The following PCOLCE2 variants were observed in gnomAD, a reference collection of about 807,000 sequenced individuals.
The protein encoded by PCOLCE2 is procollagen C-proteinase enhancer 2.
PCOLCE2 carries 42 observed loss-of-function variants against 47.0 expected under a neutral mutation model. The ratio of observed to expected loss-of-function variants is 0.89; its 90% CI spans 0.70 to 1.16. The LOEUF (loss-of-function observed/expected upper bound fraction) is 1.16. Ranked by LOEUF, PCOLCE2 falls within the 50% of genes most tolerant of loss-of-function variation. PCOLCE2 has a pLI of 0.00. For missense variants in PCOLCE2, 500 were observed against 526.1 expected, an observed-to-expected ratio of 0.95 and a Z score of 0.49; for synonymous variants, 169 against 191.7, an observed-to-expected ratio of 0.88 and a Z score of 0.98.
chr3:142,881,447 TAC>T (rs1396836012), intron 2 of PCOLCE2, among the ~76,000 whole-genome samples: 1 of 152,238 alleles, frequency 6.6e-6, no homozygotes, highest in Non-Finnish European at 1.5e-5. Context: ...ATCACAAGTA[TAC>T]AGTCATGCAT....
chr3:142,888,730 C>A (rs937584086), intron 1 of PCOLCE2, 84 bp downstream of exon 1: 7 of 829,210 alleles, frequency 8.4e-6, no homozygotes, highest in South Asian at 2.7e-5. Flanking sequence ...CGCGCCGAAG[C>A]GGGTTGAGTA....
chr3:142,870,967 C>G (rs1429454358), intron 2 of PCOLCE2, among the ~76,000 whole-genome samples: 1 of 152,164 alleles, frequency 6.6e-6, no homozygotes, highest in Non-Finnish European at 1.5e-5. Context: ...ATATTTGGAA[C>G]AGCAATCTGC....
chr3:142,837,621 G>A (rs1236118898), intron 5 of PCOLCE2, among the ~76,000 whole-genome samples: 1 of 152,176 alleles, frequency 6.6e-6, no homozygotes, highest in Non-Finnish European at 1.5e-5. Flanking sequence ...AAGGCAAGCT[G>A]CAGTAATTTC....
intron 2 of PCOLCE2, among the ~76,000 whole-genome samples, chr3:142,871,022 T>A (rs1221794270): frequency 6.6e-6 from 1 of 152,218 alleles, no homozygotes; most frequent in Non-Finnish European, 1.5e-5. Flanking sequence ...GAGCTTAACA[T>A]GTCAAAGACA....
At chr3:142,839,576 G>T (rs1255596059) in intron 4 of PCOLCE2, among the ~76,000 whole-genome samples, 2 of 152,136 alleles carry the variant, frequency 1.3e-5, no homozygotes, top group East Asian at 1.9e-4. Context: ...GCCTCCCAAA[G>T]TGCTGGGATT....
intron 5 of PCOLCE2, among the ~76,000 whole-genome samples, chr3:142,830,782 T>C (rs1477908200): frequency 6.6e-6 from 1 of 152,252 alleles, no homozygotes; most frequent in East Asian, 1.9e-4. Context: ...ATTAATTCTG[T>C]TTAAAAACTA....
At chr3:142,872,198 G>A (rs1036348562) in intron 2 of PCOLCE2, among the ~76,000 whole-genome samples, 2 of 152,190 alleles carry the variant, frequency 1.3e-5, no homozygotes, top group African/African-American at 4.8e-5. Context: ...TTGGGGACTA[G>A]AAGCAGTGAC....
intron 2 of PCOLCE2, among the ~76,000 whole-genome samples, chr3:142,876,795 G>A (rs569795702): frequency 1.3e-3 from 200 of 152,290 alleles, no homozygotes; most frequent in African/African-American, 4.6e-3. Context: ...AGCTTCTTAT[G>A]TTCTTGCCCC....
At chr3:142,833,017 C>T (rs1049134239) in intron 5 of PCOLCE2, among the ~76,000 whole-genome samples, 3 of 152,188 alleles carry the variant, frequency 2.0e-5, no homozygotes, top group Non-Finnish European at 4.4e-5. Context: ...CAGGGCTGCC[C>T]CTCCTCCACC....
At chr3:142,827,862 A>C in intron 6 of PCOLCE2, 1 of 504,646 alleles carries the variant, frequency 2.0e-6, no homozygotes, top group African/African-American at 2.0e-5. Context: ...TTATAAATCC[A>C]CCTCCGAATC....
At chr3:142,828,095 T>C (rs1314499591) in intron 6 of PCOLCE2, among the ~76,000 whole-genome samples, 1 of 152,210 alleles carries the variant, frequency 6.6e-6, no homozygotes, top group Non-Finnish European at 1.5e-5. Flanking sequence ...TTTCTACAAT[T>C]CATTCACCTG....
chr3:142,887,611 G>T, intron 2 of PCOLCE2, 58 bp downstream of exon 2: 1 of 854,446 alleles, frequency 1.2e-6, no homozygotes, highest in South Asian at 1.4e-5. Flanking sequence ...AAAGGCAGCA[G>T]CCTCACACTG....
intron 6 of PCOLCE2, among the ~76,000 whole-genome samples, chr3:142,825,627 A>G (rs1331640836): frequency 6.6e-6 from 1 of 151,392 alleles, no homozygotes; most frequent in Non-Finnish European, 1.5e-5. Flanking sequence ...TTATTTAATC[A>G]CTCTATGACT....
Position 142,829,739 on chromosome 3 carries a change from G to C in PCOLCE2, c.818C>G (p.Pro273Arg), listed in dbSNP as rs761647579. ...GHYIFRPKKLPTTTEQPVTTT... is the reference protein window; with the variant it reads ...GHYIFRPKKLRTTTEQPVTTT... ...GGTGACAGGCTGTTCTGTAGTTGTA[G>C]GCAGTTTTTTTGGCCTGAATATGTA... The change falls in exon 6 of 9, where the codon CCT becomes CGT. Residue 273 changes from proline to arginine, a missense_variant. Transcript: ENST00000295992. 6.2e-7 allele frequency: 1 copy of C among 1,610,096 alleles called. No homozygotes were observed. Among genetic ancestry groups the C allele is most frequent in the Non-Finnish European group, 8.5e-7 (1 of 1,177,800 alleles).
chr3:142,840,671 C>T (rs1481062942), intron 4 of PCOLCE2, among the ~76,000 whole-genome samples: 1 of 152,154 alleles, frequency 6.6e-6, no homozygotes, highest in African/African-American at 2.4e-5. Flanking sequence ...CTTAAGATGG[C>T]TTTAAATTGT....
Position 142,843,039 on chromosome 3 carries a change from T to C in PCOLCE2, c.458A>G (p.Tyr153Cys). 1 of 1,613,672 alleles carries C rather than the reference T, an allele frequency of 6.2e-7. No homozygotes were observed. The highest frequency in any genetic ancestry group is 8.5e-7 in the Non-Finnish European group (1 of 1,179,776). ...AAEPNERGDQ[Y>C]CGGLLDRPSG... ...AGGTCTGTCAAGGAGTCCTCCACAA[T>C]ACTGATCCCCTTCAAGTATTAAACA... is the stretch of plus-strand genomic sequence containing the variant. The change falls in exon 4 of 9, where the codon TAT becomes TGT. Residue 153 changes from tyrosine (Y) to cysteine (C), a missense_variant. Coordinates refer to ENST00000295992, the MANE Select transcript of PCOLCE2 (RefSeq NM_013363.4).
chr3:142,873,872 T>C (rs1289422528), intron 2 of PCOLCE2, among the ~76,000 whole-genome samples: 1 of 152,130 alleles, frequency 6.6e-6, no homozygotes, highest in Non-Finnish European at 1.5e-5. Flanking sequence ...GAACATCTTT[T>C]TCAAATGTAG....
At chr3:142,887,815 A>C in intron 1 of PCOLCE2, 38 bp from the exon 2 acceptor site, 1 of 1,084,454 alleles carries the variant, frequency 9.2e-7, no homozygotes, top group Non-Finnish European at 1.4e-6. Flanking sequence ...TGTAATTTGA[A>C]ACATGGTCTA....
intron 2 of PCOLCE2, among the ~76,000 whole-genome samples, chr3:142,881,629 T>C (rs911125759): frequency 1.3e-5 from 2 of 152,176 alleles, no homozygotes; most frequent in African/African-American, 4.8e-5. Flanking sequence ...GTTCCTGTAC[T>C]GAACACTGTA....
Sources: allele counts gnomAD v4.1 joint callset (sites outside exome capture counted in the v4.1 genomes callset), GRCh38; gene constraint gnomAD v4.1.1; transcripts MANE v1.5; gene names NCBI Gene and HGNC (gene_info 2026-07-23, HGNC 2026-07-21).